The following DACH2 variants were observed in gnomAD, a reference collection of about 807,000 sequenced individuals.
DACH2 encodes the protein dachshund family transcription factor 2, also known as dachshund homolog 2.
A neutral mutation model predicts 35.8 loss-of-function variants in DACH2; 17 were observed. The observed-to-expected ratio is 0.48, with a 90% CI of 0.33 to 0.71. The LOEUF is 0.71. Ranked by LOEUF, DACH2 falls within the 30% of genes least tolerant of loss-of-function variation. The pLI is 0.02. For synonymous variants in DACH2, 195 were observed against 177.3 expected (o/e 1.10, Z -0.79); for missense variants, 469 against 472.7 (o/e 0.99, Z 0.07).
At chrX:86,496,805 T>G (rs1283967545) in intron 2 of DACH2, among the ~76,000 whole-genome samples, 1 of 110,473 alleles carries the variant, frequency 9.1e-6, no homozygotes, top group African/African-American at 3.3e-5. Flanking sequence ...GAGACTGGAA[T>G]GGGTGTTTAT....
At chrX:86,458,299 T>A (rs1055964735) in intron 2 of DACH2, among the ~76,000 whole-genome samples, 3 of 112,014 alleles carry the variant, frequency 2.7e-5, no homozygotes, top group Non-Finnish European at 3.8e-5. Context: ...ATTCTTCAAT[T>A]TGACATTCAT....
At chrX:86,407,637 G>A (rs898788039) in intron 2 of DACH2, among the ~76,000 whole-genome samples, 9 of 112,134 alleles carry the variant, frequency 8.0e-5, no homozygotes, top group Non-Finnish European at 1.3e-4. Context: ...CCAACCATAC[G>A]GAGATAGAAA....
At chrX:86,438,800 A>C (rs759881373) in intron 2 of DACH2, among the ~76,000 whole-genome samples, 1 of 112,450 alleles carries the variant, frequency 8.9e-6, no homozygotes, top group Non-Finnish European at 1.9e-5. Context: ...TGGTTGAACC[A>C]ATTTACAACT....
intron 7 of DACH2, among the ~76,000 whole-genome samples, chrX:86,794,671 T>TC (rs1853124444): frequency 9.0e-6 from 1 of 111,723 alleles, no homozygotes; most frequent in Non-Finnish European, 1.9e-5. Flanking sequence ...AACCAGTGAG[T>TC]CAATTTTCTA....
At chrX:86,205,334 TAAG>T in intron 1 of DACH2, among the ~76,000 whole-genome samples, 1 of 109,308 alleles carries the variant, frequency 9.1e-6, no homozygotes, top group South Asian at 4.1e-4. Context: ...CCCTCCAGAA[TAAG>T]AAGCTTTATT....
intron 2 of DACH2, among the ~76,000 whole-genome samples, chrX:86,415,217 T>A (rs188020182): frequency 1.6e-3 from 175 of 112,203 alleles, no homozygotes; most frequent in African/African-American, 5.1e-3. Context: ...CAATTTGGAC[T>A]GACAGTCTAG....
chrX:86,311,654 G>T (rs2034803290), intron 1 of DACH2, among the ~76,000 whole-genome samples: 1 of 111,325 alleles, frequency 9.0e-6, no homozygotes, highest in Non-Finnish European at 1.9e-5. Context: ...ATTACGTTCT[G>T]CTGGTCTAGA....
At chrX:86,816,165 A>T in intron 11 of DACH2, 66 bp downstream of exon 11, 2 of 734,189 alleles carry the variant, frequency 2.7e-6, no homozygotes, top group South Asian at 4.1e-5. Context: ...TGAGGTGGGG[A>T]TGAGGTGGGG....
chrX:86,454,494 T>A (rs1475455431), intron 2 of DACH2, among the ~76,000 whole-genome samples: 4 of 112,345 alleles, frequency 3.6e-5, no homozygotes, highest in Non-Finnish European at 5.6e-5. Flanking sequence ...TTATTTCGTA[T>A]TCTTGTCTGA....
chrX:86,299,543 T>G (rs1420221884), intron 1 of DACH2, among the ~76,000 whole-genome samples: 1 of 112,012 alleles, frequency 8.9e-6, no homozygotes, highest in African/African-American at 3.2e-5. Context: ...ATATGATTAC[T>G]TAAGGAATAT....
intron 1 of DACH2, among the ~76,000 whole-genome samples, chrX:86,357,538 C>T (rs932237903): frequency 3.0e-4 from 34 of 112,108 alleles, no homozygotes; most frequent in African/African-American, 1.1e-3. Context: ...GGTCATATTA[C>T]AAAGGTAATG....
At chrX:86,196,885 C>T (rs2032005611) in intron 1 of DACH2, among the ~76,000 whole-genome samples, 1 of 109,604 alleles carries the variant, frequency 9.1e-6, no homozygotes, top group Non-Finnish European at 1.9e-5. Flanking sequence ...GAGAGACAGA[C>T]ATTCAAATTC....
chrX:86,161,864 G>A (rs772004421), intron 1 of DACH2, among the ~76,000 whole-genome samples: 1 of 111,548 alleles, frequency 9.0e-6, no homozygotes, highest in Non-Finnish European at 1.9e-5. Flanking sequence ...TTGTAAAGTC[G>A]TATGATGTTT....
Position 86,651,182 on chromosome X carries a change from G to C in DACH2, c.772+15G>C. ...TTCTAACACAGGTGAGTGTCTTCCAGAATCCCAGACCAATGACTCTTACTG... is the reference window on the plus strand; with the variant it reads ...TTCTAACACAGGTGAGTGTCTTCCACAATCCCAGACCAATGACTCTTACTG... On this transcript the variant is annotated intron_variant, in intron 4 of 11. Coordinates refer to ENST00000373125, the MANE Select transcript of DACH2 (RefSeq NM_053281.3). The C allele has an allele frequency of 8.3e-7, 1 of 1,203,908 alleles. No individual in the cohort carries two copies. Among genetic ancestry groups the C allele is most frequent in the East Asian group, 3.0e-5 (1 of 33,438 alleles).
chrX:86,411,813 C>A (rs1376566627), intron 2 of DACH2, among the ~76,000 whole-genome samples: 1 of 111,452 alleles, frequency 9.0e-6, no homozygotes, highest in Admixed American at 9.6e-5. Context: ...TCTTCTACTA[C>A]CCATCCTATA....
At chrX:86,354,882 C>G (rs1395034961) in intron 1 of DACH2, among the ~76,000 whole-genome samples, 1 of 109,925 alleles carries the variant, frequency 9.1e-6, no homozygotes, top group Non-Finnish European at 1.9e-5. Flanking sequence ...AAATAAAACA[C>G]TACAGTTATT....
At chrX:86,790,147 G>T (rs1325760304) in intron 7 of DACH2, among the ~76,000 whole-genome samples, 1 of 111,475 alleles carries the variant, frequency 9.0e-6, no homozygotes, top group Non-Finnish European at 1.9e-5. Context: ...CATTAAAATT[G>T]AATTGGACAA....
intron 1 of DACH2, among the ~76,000 whole-genome samples, chrX:86,251,793 T>A (rs1250132687): frequency 1.8e-5 from 2 of 111,927 alleles, no homozygotes; most frequent in Non-Finnish European, 3.8e-5. Flanking sequence ...ATTGTGCTGC[T>A]ATAAACATGC....
chrX:86,455,059 C>G (rs1388852649), intron 2 of DACH2, among the ~76,000 whole-genome samples: 1 of 110,912 alleles, frequency 9.0e-6, no homozygotes, highest in Non-Finnish European at 1.9e-5. Flanking sequence ...TGGGGGTGCA[C>G]TTGAGACCCC....
Sources: gnomAD v4.1 joint callset for allele counts (sites outside exome capture counted in the v4.1 genomes callset) on GRCh38, gnomAD v4.1.1 for gene constraint, MANE v1.5 for transcripts, NCBI Gene and HGNC (gene_info 2026-07-23, HGNC 2026-07-21) for gene names.